LYPLAL1: variants seen among roughly 807,000 people sequenced by gnomAD.
LYPLAL1 encodes the protein lysophospholipase-like protein 1.
LYPLAL1 carries 23 observed loss-of-function variants against 19.7 expected under a neutral mutation model. The observed-to-expected ratio is 1.17, with a 90% CI of 0.84 to 1.65. LYPLAL1 has a LOEUF of 1.65. Among genes scored for constraint, LYPLAL1 ranks in the 40% most tolerant of loss-of-function variants. The pLI is 0.00. For missense variants in LYPLAL1, 355 were observed against 279.4 expected, an observed-to-expected ratio of 1.27 and a Z score of -1.93; for synonymous variants, 119 against 96.3, an observed-to-expected ratio of 1.24 and a Z score of -1.38.
chr1:219,362,970 G>T, the LYPLAL1 span, among the ~76,000 whole-genome samples: 2 of 151,788 alleles, frequency 1.3e-5, no homozygotes, highest in Non-Finnish European at 2.9e-5. Flanking sequence ...AAATAACAAA[G>T]AAACTTTTTA....
chr1:219,254,953 G>A, the LYPLAL1 span, among the ~76,000 whole-genome samples: 4 of 151,832 alleles, frequency 2.6e-5, no homozygotes, highest in Non-Finnish European at 4.4e-5. Flanking sequence ...CGAACGTTTT[G>A]TTCCTTACTT....
At chr1:219,341,673 G>A in the LYPLAL1 span, among the ~76,000 whole-genome samples, 1 of 151,962 alleles carries the variant, frequency 6.6e-6, no homozygotes, top group Non-Finnish European at 1.5e-5. Context: ...CCATTTTAAA[G>A]AATACACTTA....
chr1:219,245,698 A>G, the LYPLAL1 span, among the ~76,000 whole-genome samples: 1 of 152,214 alleles, frequency 6.6e-6, no homozygotes, highest in Admixed American at 6.5e-5. Flanking sequence ...AAGGATCTAT[A>G]TTGTATCATG....
chr1:219,389,428 G>A, the LYPLAL1 span, among the ~76,000 whole-genome samples: 1 of 152,168 alleles, frequency 6.6e-6, no homozygotes, highest in Non-Finnish European at 1.5e-5. Context: ...ATTGATAAGA[G>A]TTGTAGATGG....
chr1:219,232,268 A>G, the LYPLAL1 span, among the ~76,000 whole-genome samples: 15 of 152,352 alleles, frequency 9.8e-5, no homozygotes, highest in East Asian at 2.7e-3. Flanking sequence ...CCGAGCTCAG[A>G]TAGACTCAGT....
chr1:219,350,293 T>G, the LYPLAL1 span, among the ~76,000 whole-genome samples: 1 of 152,208 alleles, frequency 6.6e-6, no homozygotes, highest in Non-Finnish European at 1.5e-5. Flanking sequence ...GTTATTTTTT[T>G]TTTCAATGTC....
intron 1 of LYPLAL1, among the ~76,000 whole-genome samples, chr1:219,176,903 G>A (rs1655863838): frequency 6.6e-6 from 1 of 152,066 alleles, no homozygotes; most frequent in South Asian, 2.1e-4. Context: ...TGATCATACA[G>A]CAATGAAAAA....
the LYPLAL1 span, among the ~76,000 whole-genome samples, chr1:219,294,057 T>A: frequency 6.6e-6 from 1 of 152,196 alleles, no homozygotes; most frequent in Non-Finnish European, 1.5e-5. Flanking sequence ...GTCTTCTCCT[T>A]TAGGCTACCA....
the LYPLAL1 span, among the ~76,000 whole-genome samples, chr1:219,426,746 G>A: frequency 7.9e-5 from 12 of 152,124 alleles, no homozygotes; most frequent in South Asian, 8.3e-4. Context: ...CCGTAGGTGC[G>A]AGCCACCACA....
the LYPLAL1 span, among the ~76,000 whole-genome samples, chr1:219,402,964 A>G: frequency 5.9e-5 from 9 of 152,192 alleles, no homozygotes; most frequent in Non-Finnish European, 1.3e-4. Flanking sequence ...AGCTCCTCAC[A>G]CTGTGCTTAT....
chr1:219,274,259 T>G, the LYPLAL1 span, among the ~76,000 whole-genome samples: 1 of 152,200 alleles, frequency 6.6e-6, no homozygotes, highest in Admixed American at 6.5e-5. Flanking sequence ...CACACTGATG[T>G]AGGGGCCCAA....
chr1:219,289,164 A>G, the LYPLAL1 span, among the ~76,000 whole-genome samples: 2 of 146,888 alleles, frequency 1.4e-5, no homozygotes, highest in African/African-American at 2.5e-5. Context: ...CTAAGGGCCC[A>G]AGGTTAGAGA....
chr1:219,215,601 A>T (rs1056992253), downstream of LYPLAL1, among the ~76,000 whole-genome samples: 1 of 152,042 alleles, frequency 6.6e-6, no homozygotes, highest in Non-Finnish European at 1.5e-5. Context: ...TGTGCAGTTC[A>T]CTTGTCTCTC....
At chr1:219,224,913 C>A in the LYPLAL1 span, among the ~76,000 whole-genome samples, 1 of 152,178 alleles carries the variant, frequency 6.6e-6, no homozygotes, top group Non-Finnish European at 1.5e-5. Context: ...CTTATCTTTT[C>A]CATATCTTTA....
At chr1:219,188,886 A>G (rs553262314) in intron 2 of LYPLAL1, among the ~76,000 whole-genome samples, 1 of 151,826 alleles carries the variant, frequency 6.6e-6, no homozygotes, top group South Asian at 2.1e-4. Context: ...AACATATGTG[A>G]TAGTTTTTAG....
chr1:219,197,725 C>A (rs755835631), intron 3 of LYPLAL1, among the ~76,000 whole-genome samples: 5 of 152,036 alleles, frequency 3.3e-5, no homozygotes, highest in Non-Finnish European at 5.9e-5. Flanking sequence ...TGCGATCTAT[C>A]CATCTGACCA....
chr1:219,320,163 C>T, the LYPLAL1 span, among the ~76,000 whole-genome samples: 5 of 152,166 alleles, frequency 3.3e-5, no homozygotes, highest in South Asian at 6.2e-4. Flanking sequence ...CTCCATTCTC[C>T]GTCCCATGTT....
chr1:219,347,861 A>AG, the LYPLAL1 span, among the ~76,000 whole-genome samples: 1 of 151,850 alleles, frequency 6.6e-6, no homozygotes, highest in Non-Finnish European at 1.5e-5. Context: ...CTTGATGCAC[A>AG]GAAAAAAAAA....
At chr1:219,396,937 C>A in the LYPLAL1 span, among the ~76,000 whole-genome samples, 1 of 152,194 alleles carries the variant, frequency 6.6e-6, no homozygotes, top group East Asian at 1.9e-4. Flanking sequence ...CTGGCTAGGA[C>A]TTCCAATACT....
Sources: allele counts gnomAD v4.1 joint callset (sites outside exome capture counted in the v4.1 genomes callset), GRCh38; gene constraint gnomAD v4.1.1; transcripts MANE v1.5; gene names NCBI Gene and HGNC (gene_info 2026-07-23, HGNC 2026-07-21).